Variants in C4BPA observed in about 807,000 individuals in gnomAD.
The protein encoded by C4BPA is C4b-binding protein alpha chain.
Under a neutral mutation model 63.7 loss-of-function variants are expected in C4BPA, and 31 were observed. The ratio of observed to expected loss-of-function variants is 0.49; its 90% confidence interval spans 0.37 to 0.66. The LOEUF is 0.66. C4BPA is among the 30% of genes least tolerant of loss of function. C4BPA has a pLI of 0.00. For missense variants in C4BPA, 572 were observed against 723.3 expected (o/e 0.79, Z 2.40); for synonymous variants, 259 against 254.7 (o/e 1.02, Z -0.16).
intron 6 of C4BPA, among the ~76,000 whole-genome samples, chr1:207,126,434 T>C (rs900343878): frequency 1.3e-5 from 2 of 148,998 alleles, no homozygotes; most frequent in Non-Finnish European, 3.0e-5. Flanking sequence ...TTCCATTACA[T>C]TGGTCTTTCT....
At chr1:207,116,603 A>C (rs956337909) in intron 4 of C4BPA, among the ~76,000 whole-genome samples, 18 of 150,772 alleles carry the variant, frequency 1.2e-4, no homozygotes, top group African/African-American at 4.4e-4. Flanking sequence ...CCCCTTAAGG[A>C]GAAATTATTT....
rs772191838 is a variant in C4BPA at position 207,114,096 on chromosome 1, C to T, written c.143-4C>T. 3 of 1,609,086 alleles carry T rather than the reference C, an allele frequency of 1.9e-6. No individual in the cohort carries two copies. In the South Asian group the frequency reaches 3.3e-5, roughly 18 times the overall value. ...TTGGTGCTCCTTCTCATTTTGGTGT[C>T]CAGGCAATTGTGGTCCTCCACCCAC... On this transcript the variant is annotated splice_polypyrimidine_tract_variant and splice_region_variant and intron_variant, in intron 2 of 11. Transcript: ENST00000367070.
chr1:207,140,476 T>G (rs1052566028), intron 9 of C4BPA, among the ~76,000 whole-genome samples: 2 of 152,074 alleles, frequency 1.3e-5, no homozygotes, highest in African/African-American at 4.8e-5. Context: ...GTATAGTACT[T>G]TGTCCGACAT....
chr1:207,128,435 G>C lies in C4BPA; in HGVS notation c.889+1540G>C, dbSNP rs562796739. Among the ~76,000 whole-genome samples the C allele has an allele frequency of 2.6e-5, 4 of 152,312 alleles. No homozygotes were observed. The South Asian group carries it at 8.3e-4, about 32-fold the overall frequency. ...TTCTTCCAGGGCAGATTTGGAGCAA[G>C]CTTCAAAGACTGTAAACACTCTGCC... On this transcript the variant is annotated intron_variant, in intron 7 of 11. Transcript: ENST00000367070.
intron 4 of C4BPA, among the ~76,000 whole-genome samples, chr1:207,117,802 A>G (rs1392018186): frequency 6.6e-6 from 1 of 152,096 alleles, no homozygotes; most frequent in Non-Finnish European, 1.5e-5. Flanking sequence ...TGAGAGTTTC[A>G]TGTCCTGCCT....
chr1:207,135,412 T>C (rs1263713544), intron 9 of C4BPA, among the ~76,000 whole-genome samples: 1 of 152,020 alleles, frequency 6.6e-6, no homozygotes, highest in Non-Finnish European at 1.5e-5. Flanking sequence ...TATCTAGCAA[T>C]GGTGAGGGCT....
At chr1:207,111,448 G>A (rs915650004) in intron 1 of C4BPA, among the ~76,000 whole-genome samples, 2 of 152,180 alleles carry the variant, frequency 1.3e-5, no homozygotes, top group Admixed American at 6.5e-5. Flanking sequence ...GTGACATGGG[G>A]TTCCCACAGC....
At chr1:207,111,354 C>T (rs1413525138) in intron 1 of C4BPA, among the ~76,000 whole-genome samples, 2 of 152,226 alleles carry the variant, frequency 1.3e-5, no homozygotes, top group Non-Finnish European at 2.9e-5. Context: ...GTGACTACAA[C>T]TGGTAAATTG....
chr1:207,107,317 G>A (rs1034789657), intron 1 of C4BPA, among the ~76,000 whole-genome samples: 1 of 152,210 alleles, frequency 6.6e-6, no homozygotes, highest in Admixed American at 6.5e-5. Context: ...GGAGGCCGAG[G>A]TGGGAGGTTC....
intron 3 of C4BPA, 111 bp from the exon 4 acceptor site, chr1:207,115,305 C>T (rs1684761188): frequency 6.6e-6 from 4 of 607,620 alleles, no homozygotes; most frequent in Non-Finnish European, 1.1e-5. Flanking sequence ...GAATCTAAAT[C>T]TCTCTGTGTT....
At chr1:207,125,995 C>A (rs1685033755) in intron 6 of C4BPA, among the ~76,000 whole-genome samples, 1 of 151,908 alleles carries the variant, frequency 6.6e-6, no homozygotes, top group African/African-American at 2.4e-5. Context: ...GTCTCTGATC[C>A]CCTGGGCTGC....
chr1:207,117,145 G>A (rs1166794183), intron 4 of C4BPA, among the ~76,000 whole-genome samples: 1 of 152,126 alleles, frequency 6.6e-6, no homozygotes, highest in Non-Finnish European at 1.5e-5. Context: ...ATCAGTGTTA[G>A]ATTAGTTTTA....
chr1:207,128,267 GGC>G (rs1685087949), intron 7 of C4BPA, among the ~76,000 whole-genome samples: 1 of 152,128 alleles, frequency 6.6e-6, no homozygotes, highest in Non-Finnish European at 1.5e-5. Context: ...CTTGGTGGTG[GGC>G]GCAGCTGGGT....
chr1:207,134,404 C>T lies in C4BPA; in HGVS notation c.1085C>T (p.Ala362Val), dbSNP rs147746228. The T allele has an allele frequency of 3.0e-5, 48 of 1,608,358 alleles. No individual in the cohort carries two copies. In the South Asian group the frequency reaches 3.0e-4, roughly 10 times the overall value. Residue 362 changes from alanine (A) to valine (V), a missense_variant and splice_region_variant, in exon 9 of 12, where the codon GCG (alanine) becomes GTG (valine). This residue lies in a region of C4BPA where 465 missense variants were observed against 629.4 expected (regional missense o/e 0.74). Transcript: ENST00000367070. ...ATGCACCTCACATTTTATTTTTCAG[C>T]GTTATGTTGCCCTGAACCAAAGCTA... is the stretch of plus-strand genomic sequence containing the variant. ...LRWTPYQGCEALCCPEPKLNN... is the reference protein window; with the variant it reads ...LRWTPYQGCEVLCCPEPKLNN...
rs1417903002 is a variant in C4BPA, at chr1:207,118,236, T to TATCTATCTATCTATCTATC, written c.428+2732_428+2733insTATCTATCATCTATCTATC. Among the ~76,000 whole-genome samples, 300 of 150,064 alleles carry TATCTATCTATCTATCTATC rather than the reference T, an allele frequency of 2.0e-3. 1 individual carries two copies. Among genetic ancestry groups the TATCTATCTATCTATCTATC allele is most frequent in the African/African-American group, 6.9e-3 (272 of 39,588 alleles). On this transcript the variant is annotated intron_variant, in intron 4 of 11. Transcript: ENST00000367070. ...CTGTCTATCTATCTATCTATCTATC[T>TATCTATCTATCTATCTATC]ATCTATCTATCATCTATCTACTATT... is the stretch of plus-strand genomic sequence containing the variant.
At chr1:207,128,948 G>T (rs1217868373) in intron 7 of C4BPA, among the ~76,000 whole-genome samples, 1 of 152,108 alleles carries the variant, frequency 6.6e-6, no homozygotes, top group Non-Finnish European at 1.5e-5. Context: ...CTGTTTTTGA[G>T]GGAGCCCAGA....
At chr1:207,134,652 T>A in intron 9 of C4BPA, 60 bp downstream of exon 9, 1 of 1,223,052 alleles carries the variant, frequency 8.2e-7, no homozygotes, top group South Asian at 1.5e-5. Flanking sequence ...TGATGGAGAT[T>A]ATTAAGAGAA....
At chr1:207,124,995 G>A (rs1685005919) in intron 6 of C4BPA, among the ~76,000 whole-genome samples, 1 of 152,236 alleles carries the variant, frequency 6.6e-6, no homozygotes, top group Non-Finnish European at 1.5e-5. Flanking sequence ...AGCAAAACCT[G>A]AGTGCCAGAA....
chr1:207,124,198 G>A lies in C4BPA; in HGVS notation c.538G>A (p.Asp180Asn). Reference protein sequence around the residue: ...CEIVKCKPPPDIRNGRHSGEE... With the variant: ...CEIVKCKPPPNIRNGRHSGEE... ...AGTTGTCAAGTGTAAGCCTCCTCCA[G>A]ACATCAGGAATGGAAGGCACAGCGG... Residue 180 changes from aspartate (D) to asparagine (N), a missense_variant, in exon 6 of 12, where the codon GAC becomes AAC. Physicochemically the swap from Asp to Asn is conservative, Grantham distance 23. Coordinates refer to ENST00000367070, the MANE Select transcript of C4BPA (RefSeq NM_000715.4). 1 of 1,613,806 alleles carries A rather than the reference G, an allele frequency of 6.2e-7. No homozygotes were observed. The highest frequency in any genetic ancestry group is 8.5e-7 in the Non-Finnish European group (1 of 1,179,838).
Sources: gnomAD v4.1 joint callset for allele counts (sites outside exome capture counted in the v4.1 genomes callset) on GRCh38, gnomAD v4.1.1 for gene constraint, gnomAD v4.1.1 regional missense constraint, MANE v1.5 for transcripts, NCBI Gene and HGNC (gene_info 2026-07-23, HGNC 2026-07-21) for gene names.